NKAIN3: variants seen among roughly 807,000 people sequenced by gnomAD.
NKAIN3 encodes sodium/potassium transporting ATPase interacting 3.
Under a neutral mutation model 30.2 loss-of-function variants are expected in NKAIN3, and 25 were observed. The observed-to-expected ratio is 0.83, with a 90% CI of 0.60 to 1.16. The LOEUF is 1.16. NKAIN3 is among the 50% of genes most tolerant of loss of function. The pLI is 0.00. For missense variants in NKAIN3, 225 were observed against 254.1 expected (o/e 0.89, Z 0.78); for synonymous variants, 91 against 89.6 (o/e 1.02, Z -0.09).
At chr8:62,491,623 G>C (rs534232233) in intron 1 of NKAIN3, among the ~76,000 whole-genome samples, 4 of 152,106 alleles carry the variant, frequency 2.6e-5, no homozygotes, top group Admixed American at 6.6e-5. Flanking sequence ...TTTTAAAAGC[G>C]TTACAAATTA....
At position 62,970,987 on chromosome 8, in the gene NKAIN3, C is replaced by A. The variant is rs1823820175; in HGVS notation, c.*5580C>A. Among the ~76,000 whole-genome samples, 1 of 152,198 alleles carries A rather than the reference C, an allele frequency of 6.6e-6. No individual in the cohort carries two copies. The highest frequency in any genetic ancestry group is 1.5e-5 in the Non-Finnish European group (1 of 68,036). ...ACAATGGATTAAATAACATAGAGGT[C>A]TATTTCTCTTTTTATTTCGAAATTC... On this transcript the variant is annotated 3_prime_UTR_variant, in exon 7 of 7. Coordinates refer to ENST00000623646, the MANE Select transcript of NKAIN3 (RefSeq NM_001304533.3).
At chr8:62,533,915 T>G (rs188444039) in intron 1 of NKAIN3, among the ~76,000 whole-genome samples, 1 of 152,276 alleles carries the variant, frequency 6.6e-6, no homozygotes. Flanking sequence ...ATGAAAGAAA[T>G]ACCACAAACT....
intron 5 of NKAIN3, among the ~76,000 whole-genome samples, chr8:62,945,159 T>A (rs1823085758): frequency 6.6e-6 from 1 of 152,114 alleles, no homozygotes; most frequent in South Asian, 2.1e-4. Context: ...AACAAATGAA[T>A]TTTTTAAGTA....
At chr8:62,919,241 T>G (rs1247675707) in intron 5 of NKAIN3, among the ~76,000 whole-genome samples, 4 of 98,878 alleles carry the variant, frequency 4.0e-5, no homozygotes, top group Non-Finnish European at 6.0e-5. Flanking sequence ...TTTTTTTTTT[T>G]TTTTTTTTTT....
chr8:62,254,712 A>C (rs992745046), intron 1 of NKAIN3, among the ~76,000 whole-genome samples: 1 of 152,192 alleles, frequency 6.6e-6, no homozygotes, highest in East Asian at 1.9e-4. Context: ...CTGTCCTAGG[A>C]AGCCAGGTCT....
At chr8:62,488,844 C>T (rs1264628524) in intron 1 of NKAIN3, among the ~76,000 whole-genome samples, 1 of 152,084 alleles carries the variant, frequency 6.6e-6, no homozygotes, top group East Asian at 1.9e-4. Context: ...AGTTAGCTTC[C>T]AGGACTACAA....
intron 1 of NKAIN3, among the ~76,000 whole-genome samples, chr8:62,372,319 A>T (rs886483381): frequency 6.6e-6 from 1 of 152,006 alleles, no homozygotes; most frequent in Non-Finnish European, 1.5e-5. Flanking sequence ...TTCTCTAGAA[A>T]GACTTAAAAT....
At chr8:62,697,904 CA>C (rs1174893278) in intron 3 of NKAIN3, among the ~76,000 whole-genome samples, 11 of 151,922 alleles carry the variant, frequency 7.2e-5, no homozygotes, top group African/African-American at 2.4e-4. Flanking sequence ...AATTGAAAGA[CA>C]ACTGAAAATA....
At chr8:62,511,440 C>T (rs1051947524) in intron 1 of NKAIN3, among the ~76,000 whole-genome samples, 5 of 152,166 alleles carry the variant, frequency 3.3e-5, no homozygotes, top group African/African-American at 1.2e-4. Context: ...GTCTTCTTAT[C>T]CACCTCCTTG....
intron 1 of NKAIN3, among the ~76,000 whole-genome samples, chr8:62,321,249 A>G (rs1307538561): frequency 6.6e-6 from 1 of 151,964 alleles, no homozygotes; most frequent in Non-Finnish European, 1.5e-5. Context: ...TTTTTTTCAA[A>G]GTTTTTAACT....
intron 1 of NKAIN3, among the ~76,000 whole-genome samples, chr8:62,558,591 A>G (rs1809477727): frequency 6.6e-6 from 1 of 152,082 alleles, no homozygotes; most frequent in Non-Finnish European, 1.5e-5. Flanking sequence ...GAAAATTGCT[A>G]ACATTATGAT....
intron 4 of NKAIN3, among the ~76,000 whole-genome samples, chr8:62,912,762 C>T (rs1318559317): frequency 2.0e-5 from 3 of 151,922 alleles, no homozygotes; most frequent in East Asian, 1.9e-4. Context: ...ATACACAATT[C>T]GCCAGGCATG....
chr8:62,585,615 C>T (rs1483922195), intron 2 of NKAIN3, among the ~76,000 whole-genome samples: 4 of 152,098 alleles, frequency 2.6e-5, no homozygotes, highest in Non-Finnish European at 4.4e-5. Flanking sequence ...CTAGATCCCT[C>T]GCATGGGTAG....
intron 1 of NKAIN3, among the ~76,000 whole-genome samples, chr8:62,291,602 C>T (rs745891643): frequency 7.2e-5 from 11 of 152,240 alleles, no homozygotes; most frequent in Non-Finnish European, 1.3e-4. Flanking sequence ...GTCTGAGAGA[C>T]AGTTTGTTAT....
chr8:62,513,683 G>A (rs1807884393), intron 1 of NKAIN3, among the ~76,000 whole-genome samples: 1 of 151,606 alleles, frequency 6.6e-6, no homozygotes, highest in African/African-American at 2.4e-5. Context: ...GCCTGGAGAA[G>A]ATGGAGAAAT....
At chr8:62,957,719 C>T (rs72656537) in intron 6 of NKAIN3, among the ~76,000 whole-genome samples, 13,576 of 151,946 alleles carry the variant, frequency 0.089, 856 homozygotes, top group East Asian at 0.28. Flanking sequence ...AGGGGAGACA[C>T]GAATAGGCAA....
At chr8:62,732,916 TAGTC>T (rs773297114) in intron 3 of NKAIN3, among the ~76,000 whole-genome samples, 1 of 152,142 alleles carries the variant, frequency 6.6e-6, no homozygotes, top group Non-Finnish European at 1.5e-5. Context: ...GTTGTAGAAT[TAGTC>T]AAATAAATAT....
chr8:62,891,150 CTGGG>C (rs1821285620), intron 4 of NKAIN3, among the ~76,000 whole-genome samples: 1 of 152,122 alleles, frequency 6.6e-6, no homozygotes, highest in Non-Finnish European at 1.5e-5. Flanking sequence ...AGTCAGTGAA[CTGGG>C]AGAGGCAGAC....
At chr8:62,591,290 G>A (rs563887190) in intron 3 of NKAIN3, among the ~76,000 whole-genome samples, 3 of 151,988 alleles carry the variant, frequency 2.0e-5, no homozygotes, top group Admixed American at 6.6e-5. Flanking sequence ...TAAGTCTTGA[G>A]TCCAAATCTG....
Sources: allele counts gnomAD v4.1 joint callset (sites outside exome capture counted in the v4.1 genomes callset), GRCh38; gene constraint gnomAD v4.1.1; transcripts MANE v1.5; gene names NCBI Gene and HGNC (gene_info 2026-07-23, HGNC 2026-07-21).